Variants in CNTNAP2 observed in about 807,000 individuals in gnomAD.
The protein encoded by CNTNAP2 is contactin-associated protein-like 2.
In CNTNAP2, 98 loss-of-function variants were observed where a neutral mutation model predicts 155.2. That is an observed-to-expected ratio of 0.63 (90% CI 0.54 to 0.75). The LOEUF (loss-of-function observed/expected upper bound fraction) is 0.75, where lower values mean the gene tolerates loss of function less well. CNTNAP2 is among the 30% of genes least tolerant of loss of function. The pLI is 0.00. For synonymous variants in CNTNAP2, 651 were observed against 631.2 expected (o/e 1.03, Z -0.47); for missense variants, 1,727 against 1,688.1 (o/e 1.02, Z -0.40).
intron 9 of CNTNAP2, among the ~76,000 whole-genome samples, chr7:147,392,851 G>A (rs1423432442): frequency 6.6e-6 from 1 of 152,050 alleles, no homozygotes; most frequent in Non-Finnish European, 1.5e-5. Flanking sequence ...ATACTACTCA[G>A]CCATAAAAAG....
intron 19 of CNTNAP2, 35 bp from the exon 20 acceptor site, chr7:148,229,611 A>C: frequency 6.2e-7 from 1 of 1,613,708 alleles, no homozygotes; most frequent in Non-Finnish European, 8.5e-7. Flanking sequence ...AATTTAGGGC[A>C]AACAAATTAC....
At chr7:148,213,086 C>G (rs1291897991) in intron 18 of CNTNAP2, among the ~76,000 whole-genome samples, 1 of 152,270 alleles carries the variant, frequency 6.6e-6, no homozygotes, top group East Asian at 1.9e-4. Context: ...ATGTCTCACC[C>G]AGGCGGGGAC....
intron 8 of CNTNAP2, among the ~76,000 whole-genome samples, chr7:147,188,104 TA>T (rs1373724086): frequency 1.3e-5 from 2 of 152,074 alleles, no homozygotes; most frequent in Admixed American, 1.3e-4. Context: ...AACAAACAAA[TA>T]CTCTTTTCCT....
chr7:147,863,466 A>C (rs1799170470), intron 13 of CNTNAP2, among the ~76,000 whole-genome samples: 1 of 152,174 alleles, frequency 6.6e-6, no homozygotes, highest in Admixed American at 6.5e-5. Flanking sequence ...CACTGGGTTA[A>C]ATGGTATTTC....
chr7:147,088,703 G>C (rs894138413), intron 4 of CNTNAP2, among the ~76,000 whole-genome samples: 6 of 152,110 alleles, frequency 3.9e-5, no homozygotes, highest in African/African-American at 1.4e-4. Flanking sequence ...CCAACACTTT[G>C]GAAGGCCAAG....
intron 1 of CNTNAP2, among the ~76,000 whole-genome samples, chr7:146,651,356 A>G (rs1799908432): frequency 6.6e-6 from 1 of 152,180 alleles, no homozygotes; most frequent in African/African-American, 2.4e-5. Flanking sequence ...AGCCTGTAAC[A>G]TATGAAGGGT....
chr7:146,482,029 G>T (rs1477897481), intron 1 of CNTNAP2, among the ~76,000 whole-genome samples: 1 of 151,808 alleles, frequency 6.6e-6, no homozygotes, highest in Admixed American at 6.6e-5. Context: ...AACTTACTAG[G>T]AGTAAAACAA....
intron 1 of CNTNAP2, among the ~76,000 whole-genome samples, chr7:146,417,849 C>T (rs962451613): frequency 2.6e-5 from 4 of 152,096 alleles, no homozygotes; most frequent in Non-Finnish European, 5.9e-5. Context: ...ACATCTTCAC[C>T]AGAAAGTTTT....
At chr7:146,565,331 ATAAG>A (rs1014952707) in intron 1 of CNTNAP2, among the ~76,000 whole-genome samples, 4 of 152,188 alleles carry the variant, frequency 2.6e-5, no homozygotes, top group Non-Finnish European at 5.9e-5. Flanking sequence ...AAAGAAAAAA[ATAAG>A]TACTCCTCTT....
At chr7:147,608,039 G>A (rs1335183101) in intron 12 of CNTNAP2, among the ~76,000 whole-genome samples, 2 of 151,984 alleles carry the variant, frequency 1.3e-5, no homozygotes, top group Non-Finnish European at 1.5e-5. Flanking sequence ...ACTAGCTTTG[G>A]TGGCATAAAA....
rs189779750 is a variant in CNTNAP2 at position 147,101,959 on chromosome 7, G to A, written c.551-6188G>A. Among the ~76,000 whole-genome samples, 14 of 152,148 alleles carry A rather than the reference G, an allele frequency of 9.2e-5. No individual in the cohort carries two copies. In the East Asian group the frequency reaches 1.9e-3, roughly 21 times the overall value. ...CACCACGGTTTGCGGGCTTGAGGGC[G>A]GAGCCTTTGCCGGGGAACCACCCTC... On this transcript the variant is annotated intron_variant, in intron 4 of 23. Transcript: ENST00000361727.
At chr7:148,363,685 G>A (rs1439421116) in intron 21 of CNTNAP2, among the ~76,000 whole-genome samples, 1 of 152,206 alleles carries the variant, frequency 6.6e-6, no homozygotes, top group Admixed American at 6.5e-5. Context: ...CTTGCTCTCG[G>A]CACCTCCCCT....
At chr7:147,963,770 A>G (rs1484376014) in intron 14 of CNTNAP2, among the ~76,000 whole-genome samples, 3 of 152,104 alleles carry the variant, frequency 2.0e-5, no homozygotes, top group African/African-American at 7.2e-5. Context: ...ACTTTCATAG[A>G]GGGAAGTGCA....
At chr7:147,473,700 T>C (rs1798267263) in intron 10 of CNTNAP2, among the ~76,000 whole-genome samples, 1 of 152,212 alleles carries the variant, frequency 6.6e-6, no homozygotes, top group African/African-American at 2.4e-5. Context: ...CAGATAAGAA[T>C]ATTTATGCCT....
At chr7:147,094,399 CTTT>C (rs55694542) in intron 4 of CNTNAP2, among the ~76,000 whole-genome samples, 1 of 132,962 alleles carries the variant, frequency 7.5e-6, no homozygotes. Context: ...ATTATTATTC[CTTT>C]TTTTTTTTTT....
intron 1 of CNTNAP2, among the ~76,000 whole-genome samples, chr7:146,193,529 C>G (rs1169622149): frequency 6.6e-6 from 1 of 152,208 alleles, no homozygotes; most frequent in Admixed American, 6.5e-5. Flanking sequence ...GTACCTTAGC[C>G]TTTTTTAGCC....
intron 10 of CNTNAP2, among the ~76,000 whole-genome samples, chr7:147,438,902 A>G (rs1006282399): frequency 1.3e-5 from 2 of 152,030 alleles, no homozygotes; most frequent in African/African-American, 4.8e-5. Context: ...GTAGCCACTG[A>G]TAATCCTTTG....
chr7:147,206,512 G>A (rs113901185), intron 8 of CNTNAP2, among the ~76,000 whole-genome samples: 2,299 of 152,154 alleles, frequency 0.015, 63 homozygotes, highest in African/African-American at 0.053. Context: ...GCAGTGAGTC[G>A]AGATCGTGAC....
At chr7:146,369,044 T>TATATATACATATATATATATAC in intron 1 of CNTNAP2, among the ~76,000 whole-genome samples, 1 of 123,686 alleles carries the variant, frequency 8.1e-6, no homozygotes, top group South Asian at 2.3e-4. Flanking sequence ...TATATATATA[T>TATATATACATATATATATATAC]ATATATACAT....
Sources: gnomAD v4.1 joint callset for allele counts (sites outside exome capture counted in the v4.1 genomes callset) on GRCh38, gnomAD v4.1.1 for gene constraint, MANE v1.5 for transcripts, NCBI Gene and HGNC (gene_info 2026-07-23, HGNC 2026-07-21) for gene names.